Variants in DPP6 observed in about 807,000 individuals in gnomAD.
DPP6 encodes the protein A-type potassium channel modulatory protein DPP6.
DPP6 carries 69 observed loss-of-function variants against 122.6 expected under a neutral mutation model. The observed-to-expected ratio is 0.56, with a 90% CI of 0.46 to 0.69. The LOEUF (loss-of-function observed/expected upper bound fraction) is 0.69. Ranked by LOEUF, DPP6 falls within the 30% of genes least tolerant of loss-of-function variation. The pLI, the probability that DPP6 is intolerant of heterozygous loss-of-function variation, is 0.00. For synonymous variants in DPP6, 418 were observed against 433.1 expected (o/e 0.97, Z 0.43); for missense variants, 928 against 1,116.9 (o/e 0.83, Z 2.41).
At chr7:154,621,860 C>T (rs988597421) in intron 5 of DPP6, among the ~76,000 whole-genome samples, 10 of 152,126 alleles carry the variant, frequency 6.6e-5, no homozygotes, top group African/African-American at 2.4e-4. Context: ...CCAACACTGG[C>T]ACATGAGTCC....
intron 1 of DPP6, among the ~76,000 whole-genome samples, chr7:153,939,732 C>T (rs907456087): frequency 6.6e-6 from 1 of 152,200 alleles, no homozygotes; most frequent in African/African-American, 2.4e-5. Context: ...TGAAAGACAG[C>T]TATGAAAGCA....
intron 1 of DPP6, among the ~76,000 whole-genome samples, chr7:154,024,597 A>G (rs1258333071): frequency 6.6e-6 from 1 of 152,184 alleles, no homozygotes; most frequent in East Asian, 1.9e-4. Context: ...TCAGATGTCC[A>G]TGTGTGGATT....
intron 1 of DPP6, among the ~76,000 whole-genome samples, chr7:154,099,263 C>G (rs1805567624): frequency 6.6e-6 from 1 of 152,166 alleles, no homozygotes; most frequent in African/African-American, 2.4e-5. Context: ...CAGTCATTCA[C>G]AAATAAATAT....
intron 12 of DPP6, among the ~76,000 whole-genome samples, chr7:154,797,225 A>G (rs540800380): frequency 5.3e-5 from 8 of 152,304 alleles, no homozygotes; most frequent in Admixed American, 1.3e-4. Context: ...TAGGCTGTGG[A>G]TTTCAAAAAA....
chr7:153,909,244 C>G (rs190048831), intron 1 of DPP6, among the ~76,000 whole-genome samples: 1 of 152,092 alleles, frequency 6.6e-6, no homozygotes, highest in Non-Finnish European at 1.5e-5. Context: ...GTGAAGCAAC[C>G]TCTAACAGCT....
At chr7:153,845,745 C>T in the DPP6 span, among the ~76,000 whole-genome samples, 13 of 152,100 alleles carry the variant, frequency 8.5e-5, no homozygotes, top group South Asian at 4.2e-4. Context: ...CTTGTGGTTA[C>T]GGTAGGCATT....
At chr7:153,969,007 T>A (rs1291767124) in intron 1 of DPP6, among the ~76,000 whole-genome samples, 5 of 151,420 alleles carry the variant, frequency 3.3e-5, no homozygotes, top group Non-Finnish European at 7.4e-5. Flanking sequence ...TGATCAATGG[T>A]GGACATTGGG....
chr7:154,829,967 C>T (rs1800504818), intron 16 of DPP6, among the ~76,000 whole-genome samples: 2 of 152,144 alleles, frequency 1.3e-5, no homozygotes. Context: ...CTGCCTGTGC[C>T]CTCCCGCAGC....
At chr7:154,739,429 T>C (rs140282240) in intron 8 of DPP6, among the ~76,000 whole-genome samples, 15 of 152,200 alleles carry the variant, frequency 9.9e-5, no homozygotes, top group African/African-American at 3.4e-4. Context: ...ACGCCAGGGG[T>C]CCATCTGGTT....
chr7:154,217,202 C>A (rs1190843902), intron 1 of DPP6, among the ~76,000 whole-genome samples: 6 of 152,050 alleles, frequency 3.9e-5, no homozygotes, highest in Non-Finnish European at 8.8e-5. Context: ...CACCTCATGA[C>A]AAGGACAGTT....
At chr7:154,814,805 C>A (rs1799310391) in intron 16 of DPP6, among the ~76,000 whole-genome samples, 1 of 152,130 alleles carries the variant, frequency 6.6e-6, no homozygotes, top group Non-Finnish European at 1.5e-5. Context: ...TTTGACTTAC[C>A]AATGTATTGC....
At chr7:154,213,931 C>T (rs1236464445) in intron 1 of DPP6, among the ~76,000 whole-genome samples, 1 of 152,198 alleles carries the variant, frequency 6.6e-6, no homozygotes, top group East Asian at 1.9e-4. Context: ...ATCCACTCTC[C>T]TCCCTGCTCA....
At chr7:154,778,996 C>CG (rs1563200952) in intron 10 of DPP6, among the ~76,000 whole-genome samples, 5 of 76,938 alleles carry the variant, frequency 6.5e-5, no homozygotes, top group African/African-American at 9.3e-5. Flanking sequence ...ATCACCTCCA[C>CG]AACCTCCACC....
the DPP6 span, among the ~76,000 whole-genome samples, chr7:153,798,811 G>T: frequency 6.6e-6 from 1 of 152,310 alleles, no homozygotes; most frequent in Non-Finnish European, 1.5e-5. Flanking sequence ...AGTCCCACTG[G>T]GGGGTGATGG....
chr7:154,064,399 C>T (rs918963370), intron 1 of DPP6, among the ~76,000 whole-genome samples: 3 of 152,154 alleles, frequency 2.0e-5, no homozygotes, highest in Non-Finnish European at 2.9e-5. Context: ...GACATTTGCT[C>T]ATGGTTCAAT....
rs201891599 is a variant in DPP6 at position 154,341,914 on chromosome 7, GA to G, written c.244-104299del. ...TTAGCACAGGGTGTGGCGCTTACAA[GA>G]GTTCATAAAAACCGAAGTTGCTGGG... On this transcript the variant is annotated intron_variant, in intron 1 of 25. Coordinates refer to ENST00000377770, the MANE Select transcript of DPP6 (RefSeq NM_130797.4). Among the ~76,000 whole-genome samples, 845 of 152,186 alleles carry G rather than the reference GA, an allele frequency of 5.6e-3. 17 individuals are homozygous for G. Among genetic ancestry groups the G allele is most frequent in the Admixed American group, 0.046 (709 of 15,282 alleles).
chr7:154,394,678 A>T (rs1369404742), intron 1 of DPP6, among the ~76,000 whole-genome samples: 1 of 152,160 alleles, frequency 6.6e-6, no homozygotes, highest in African/African-American at 2.4e-5. Context: ...ACCAAATGTC[A>T]TGAAGTTTTG....
rs1563149583 is a variant in DPP6 at position 154,060,345 on chromosome 7, CG to C, written c.243+7283del. Among the ~76,000 whole-genome samples, 8 of 111,722 alleles carry C rather than the reference CG, an allele frequency of 7.2e-5. No individual in the cohort carries two copies. In the South Asian group the frequency reaches 1.2e-3, roughly 17 times the overall value. 73.3% of individuals were successfully genotyped at this position (111,722 alleles called of 152,430 possible). A position where few individuals can be genotyped will look rare whatever the true frequency, so the allele number is the denominator to read the frequency against. On this transcript the variant is annotated intron_variant, in intron 1 of 25. Coordinates refer to ENST00000377770, the MANE Select transcript of DPP6 (RefSeq NM_130797.4). ...CATCGCAGGAGGGGGAGGCACCCCC[CG>C]CGAGGCAGGGACTGAGAGCCAGCCC...
intron 16 of DPP6, among the ~76,000 whole-genome samples, chr7:154,830,955 C>T (rs896509440): frequency 3.9e-5 from 6 of 152,208 alleles, no homozygotes; most frequent in East Asian, 1.9e-4. Flanking sequence ...AACCGATTCT[C>T]GCAGCATGGC....
Sources: gnomAD v4.1 joint callset for allele counts (sites outside exome capture counted in the v4.1 genomes callset) on GRCh38, gnomAD v4.1.1 for gene constraint, MANE v1.5 for transcripts, NCBI Gene and HGNC (gene_info 2026-07-23, HGNC 2026-07-21) for gene names.